GRHL2: variants seen among roughly 807,000 people sequenced by gnomAD.
GRHL2 encodes grainyhead-like protein 2 homolog.
GRHL2 carries 21 observed loss-of-function variants against 83.8 expected under a neutral mutation model. That is an observed-to-expected ratio of 0.25 (90% CI 0.18 to 0.36). The LOEUF (loss-of-function observed/expected upper bound fraction) is 0.36. Among genes scored for constraint, GRHL2 ranks in the 10% least tolerant of loss-of-function variants. GRHL2 has a pLI of 1.00. For synonymous variants in GRHL2, 280 were observed against 278.9 expected (o/e 1.00, Z -0.04); for missense variants, 623 against 781.8 (o/e 0.80, Z 2.42).
chr8:101,573,834 A>G lies in GRHL2; in HGVS notation c.891+10A>G. ...CATCAGCAAAGTCAGGGTAGGGGCC[A>G]CATTTCTCAGATAAAGTACAAAGGA... is the stretch of plus-strand genomic sequence containing the variant. On this transcript the variant is annotated intron_variant, in intron 6 of 15. Coordinates refer to ENST00000646743, the MANE Select transcript of GRHL2 (RefSeq NM_024915.4). 6.2e-7 allele frequency: 1 copy of G among 1,614,152 alleles called. No individual in the cohort carries two copies. Among genetic ancestry groups the G allele is most frequent in the Non-Finnish European group, 8.5e-7 (1 of 1,179,974 alleles).
At chr8:101,592,237 T>A (rs1277907843) in intron 7 of GRHL2, among the ~76,000 whole-genome samples, 1 of 150,786 alleles carries the variant, frequency 6.6e-6, no homozygotes, top group Non-Finnish European at 1.5e-5. Context: ...CCTGCATAGC[T>A]GGGATTACAG....
At chr8:101,532,527 G>A (rs911512239) in intron 1 of GRHL2, among the ~76,000 whole-genome samples, 3 of 152,066 alleles carry the variant, frequency 2.0e-5, no homozygotes, top group African/African-American at 7.2e-5. Flanking sequence ...CAAGGTGGGC[G>A]GATCACGAGG....
At chr8:101,622,068 A>T (rs1173202456) in intron 9 of GRHL2, among the ~76,000 whole-genome samples, 4 of 152,244 alleles carry the variant, frequency 2.6e-5, no homozygotes, top group African/African-American at 7.2e-5. Flanking sequence ...GATCCAGTAT[A>T]ACCAATACAA....
At chr8:101,532,824 T>A (rs59262395) in intron 1 of GRHL2, among the ~76,000 whole-genome samples, 7,334 of 149,714 alleles carry the variant, frequency 0.049, 424 homozygotes, top group East Asian at 0.21. Flanking sequence ...TGTGTGTGTG[T>A]GAGAGAGAGA....
At chr8:101,623,733 A>G (rs1236557322) in intron 9 of GRHL2, among the ~76,000 whole-genome samples, 2 of 152,100 alleles carry the variant, frequency 1.3e-5, no homozygotes, top group Non-Finnish European at 1.5e-5. Context: ...ACACAGTAAA[A>G]CAGTTCACAG....
chr8:101,664,997 CAT>C (rs1201928762), intron 15 of GRHL2, among the ~76,000 whole-genome samples: 2 of 152,130 alleles, frequency 1.3e-5, no homozygotes, highest in African/African-American at 4.8e-5. Flanking sequence ...AACAACAGGT[CAT>C]ATTTACTGGG....
chr8:101,653,201 C>G (rs1453153697), intron 14 of GRHL2, among the ~76,000 whole-genome samples: 1 of 152,124 alleles, frequency 6.6e-6, no homozygotes, highest in African/African-American at 2.4e-5. Flanking sequence ...ACCCTGGCCC[C>G]CATGTTTTGT....
intron 11 of GRHL2, 54 bp from the exon 12 acceptor site, chr8:101,636,843 T>TC (rs1586161334): frequency 1.3e-6 from 2 of 1,527,040 alleles, no homozygotes; most frequent in East Asian, 4.5e-5. Context: ...TCACGTAATA[T>TC]TTTTTCCATT....
chr8:101,585,082 G>T (rs1266138493), intron 7 of GRHL2, among the ~76,000 whole-genome samples: 2 of 152,248 alleles, frequency 1.3e-5, no homozygotes, highest in African/African-American at 4.8e-5. Context: ...TAGCCAAGTG[G>T]CCAGGTGGCC....
intron 9 of GRHL2, among the ~76,000 whole-genome samples, chr8:101,620,078 G>A (rs368879999): frequency 3.3e-5 from 5 of 152,110 alleles, no homozygotes; most frequent in Admixed American, 6.5e-5. Flanking sequence ...GTGAGGGCTC[G>A]CTTTCTGGCT....
intron 5 of GRHL2, among the ~76,000 whole-genome samples, chr8:101,572,964 T>C (rs925327536): frequency 8.5e-5 from 13 of 152,228 alleles, no homozygotes; most frequent in Non-Finnish European, 2.9e-5. Context: ...TCATAGACAG[T>C]ATGTAAACAA....
At chr8:101,652,144 T>A (rs1165999882) in intron 14 of GRHL2, among the ~76,000 whole-genome samples, 1 of 152,132 alleles carries the variant, frequency 6.6e-6, no homozygotes, top group African/African-American at 2.4e-5. Flanking sequence ...GGGTTTCCTT[T>A]CAGGGTGTGG....
In GRHL2 at chr8:101,644,164, C is replaced by T. The variant is rs1184438634; in HGVS notation, c.1551C>T (p.Pro517=). 3 of 1,614,160 alleles carry T rather than the reference C, an allele frequency of 1.9e-6. No individual in the cohort carries two copies. The highest frequency in any genetic ancestry group is 1.1e-5 in the South Asian group (1 of 91,082). ...GSVLVKRMFR[P]MEEEFGPVPS... ...TCCTTGTTAAACGGATGTTCCGGCC[C>T]ATGGAAGAGGAGTTTGGTCCAGTGC... The change falls in exon 13 of 16, where the codon CCC becomes CCT. Residue 517 remains proline, a synonymous_variant. Coordinates refer to ENST00000646743, the MANE Select transcript of GRHL2 (RefSeq NM_024915.4).
intron 14 of GRHL2, among the ~76,000 whole-genome samples, chr8:101,652,565 T>TG (rs1563627597): frequency 9.9e-6 from 1 of 100,634 alleles, no homozygotes; most frequent in African/African-American, 4.5e-5. Flanking sequence ...TGTGTGGTGG[T>TG]GTGTGTGTGG....
chr8:101,652,054 G>A (rs775651205), intron 14 of GRHL2, among the ~76,000 whole-genome samples: 73 of 152,100 alleles, frequency 4.8e-4, no homozygotes, highest in Non-Finnish European at 9.0e-4. Flanking sequence ...GAAATGAAGC[G>A]GTAGAATTGT....
intron 7 of GRHL2, 27 bp downstream of exon 7, chr8:101,577,546 A>G: frequency 7.0e-7 from 1 of 1,429,486 alleles, no homozygotes; most frequent in Non-Finnish European, 9.9e-7. Context: ...TTCCCTGTAT[A>G]GTCCTCGATA....
At chr8:101,674,664 T>C (rs570708409), downstream of GRHL2, among the ~76,000 whole-genome samples, 3 of 152,262 alleles carry the variant, frequency 2.0e-5, no homozygotes, top group Middle Eastern at 3.4e-3. Flanking sequence ...TCTGAAACTA[T>C]TCCAATCAAT....
downstream of GRHL2, among the ~76,000 whole-genome samples, chr8:101,670,174 C>T (rs1347550332): frequency 6.6e-6 from 1 of 152,220 alleles, no homozygotes; most frequent in African/African-American, 2.4e-5. Flanking sequence ...AACCCACAGG[C>T]TCCCTAAGAT....
downstream of GRHL2, among the ~76,000 whole-genome samples, chr8:101,672,780 A>G (rs1056006644): frequency 1.6e-4 from 25 of 151,620 alleles, no homozygotes; most frequent in Admixed American, 3.9e-4. Flanking sequence ...AATGAAGGAA[A>G]AAATGTTAAG....
Sources: allele counts gnomAD v4.1 joint callset (sites outside exome capture counted in the v4.1 genomes callset), GRCh38; gene constraint gnomAD v4.1.1; transcripts MANE v1.5; gene names NCBI Gene and HGNC (gene_info 2026-07-23, HGNC 2026-07-21).